EPM2A: variants seen among roughly 807,000 people sequenced by gnomAD.
EPM2A encodes the protein laforin.
Under a neutral mutation model 26.5 loss-of-function variants are expected in EPM2A, and 21 were observed. The observed-to-expected ratio is 0.79, with a 90% CI of 0.56 to 1.14. The LOEUF (loss-of-function observed/expected upper bound fraction) is 1.14. Among genes scored for constraint, EPM2A ranks in the 50% most tolerant of loss-of-function variants. The pLI, the probability that EPM2A is intolerant of heterozygous loss-of-function variation, is 0.00. For synonymous variants in EPM2A, 217 were observed against 177.6 expected, an observed-to-expected ratio of 1.22 and a Z score of -1.76; for missense variants, 458 against 440.8, an observed-to-expected ratio of 1.04 and a Z score of -0.35.
chr6:145,635,308 T>A lies in EPM2A; in HGVS notation c.655A>T (p.Lys219Ter). The A allele has an allele frequency of 1.9e-6, 3 of 1,614,118 alleles. No individual in the cohort carries two copies. In the South Asian group the frequency reaches 3.3e-5, roughly 18 times the overall value. The change falls in exon 3 of 4, where the codon AAA (lysine) becomes TAA (stop). Residue 219 changes from lysine (K) to a stop codon, truncating the protein, a stop_gained. Coordinates refer to ENST00000367519, the MANE Select transcript of EPM2A (RefSeq NM_005670.4). LOFTEE classifies it high-confidence loss of function. ...GCCAAGCCTTCTTCCCTATATAGTT[T>A]AATCATAGTGTCTGGAGTCATGGGC... ...PEPMTPDTMI[K>*]LYREEGLAYI...
At chr6:145,396,386 C>G (rs1262540435) in intron 4 of EPM2A, among the ~76,000 whole-genome samples, 1 of 152,130 alleles carries the variant, frequency 6.6e-6, no homozygotes, top group East Asian at 1.9e-4. Flanking sequence ...TTAGATAAAA[C>G]AAAATTGTTC....
chr6:145,459,363 C>T (rs968955808), intron 4 of EPM2A, among the ~76,000 whole-genome samples: 2 of 152,114 alleles, frequency 1.3e-5, no homozygotes, highest in Non-Finnish European at 2.9e-5. Flanking sequence ...AGAATGGATG[C>T]CACTAACCAG....
intron 4 of EPM2A, among the ~76,000 whole-genome samples, chr6:145,440,876 T>C (rs1330176976): frequency 6.6e-6 from 1 of 152,202 alleles, no homozygotes; most frequent in Non-Finnish European, 1.5e-5. Context: ...GGGCTGGCAT[T>C]GAATGTATGC....
At chr6:145,479,829 CCAA>C in intron 4 of EPM2A, among the ~76,000 whole-genome samples, 1 of 152,116 alleles carries the variant, frequency 6.6e-6, no homozygotes, top group African/African-American at 2.4e-5. Context: ...TGAAGGACCA[CCAA>C]CTATTTTCCA....
intron 2 of EPM2A, among the ~76,000 whole-genome samples, chr6:145,650,611 G>C (rs1777821636): frequency 6.6e-6 from 1 of 151,864 alleles, no homozygotes; most frequent in Admixed American, 6.6e-5. Flanking sequence ...TACAATCCTA[G>C]GAAATTGTTT....
In EPM2A at chr6:145,402,759, T is replaced by G. The variant is rs1457451950; in HGVS notation, c.556-18662A>C. On this transcript the variant is annotated intron_variant, in intron 4 of 4. Coordinates refer to the EPM2A transcript ENST00000638717. Reference sequence around the variant, plus strand: ...CCTGGGTGAATTCTTTGTATTATTCTTGAAACTCCTCTGTAAGTTTGAACT... The same window carrying G: ...CCTGGGTGAATTCTTTGTATTATTCGTGAAACTCCTCTGTAAGTTTGAACT... 2.0e-5 allele frequency among the ~76,000 whole-genome samples: 3 copies of G among 152,178 alleles called. No homozygotes were observed. In the East Asian group the frequency reaches 5.8e-4, roughly 29 times the overall value.
At chr6:145,540,124 G>A (rs1780486465) in intron 2 of EPM2A, among the ~76,000 whole-genome samples, 1 of 152,128 alleles carries the variant, frequency 6.6e-6, no homozygotes, top group Non-Finnish European at 1.5e-5. Context: ...CTTCTCCTGT[G>A]GCCCCCATGG....
intron 2 of EPM2A, among the ~76,000 whole-genome samples, chr6:145,595,383 G>C (rs1042223588): frequency 1.3e-5 from 2 of 151,030 alleles, no homozygotes; most frequent in Non-Finnish European, 3.0e-5. Flanking sequence ...TATAGGAATA[G>C]ATATTTCTAC....
chr6:145,545,584 T>C (rs1174326607), intron 2 of EPM2A, among the ~76,000 whole-genome samples: 2 of 152,180 alleles, frequency 1.3e-5, no homozygotes, highest in Non-Finnish European at 2.9e-5. Context: ...TTATTCTTTC[T>C]TCCCCAAGTC....
intron 3 of EPM2A, chr6:145,628,424 A>C (rs952369620): frequency 1.3e-5 from 2 of 152,218 alleles, no homozygotes; most frequent in Non-Finnish European, 2.9e-5. Flanking sequence ...GGCCTGGTAG[A>C]CTCTGCTCCG....
intron 2 of EPM2A, among the ~76,000 whole-genome samples, chr6:145,578,198 A>T (rs1781061534): frequency 6.6e-6 from 1 of 152,116 alleles, no homozygotes; most frequent in African/African-American, 2.4e-5. Flanking sequence ...AATAAAGGTC[A>T]GTGCAGAAAT....
At chr6:145,390,329 A>T (rs1169059140) in intron 4 of EPM2A, among the ~76,000 whole-genome samples, 1 of 117,766 alleles carries the variant, frequency 8.5e-6, no homozygotes, top group African/African-American at 3.2e-5. Flanking sequence ...ATTTAAATTA[A>T]AAAAAAAAAA....
intron 3 of EPM2A, among the ~76,000 whole-genome samples, chr6:145,633,331 C>G (rs1037351645): frequency 4.6e-5 from 7 of 152,226 alleles, no homozygotes; most frequent in African/African-American, 1.7e-4. Flanking sequence ...ACTATCTTCT[C>G]TGTTTTGAAA....
intron 2 of EPM2A, among the ~76,000 whole-genome samples, chr6:145,672,645 G>A (rs1341667996): frequency 6.6e-6 from 1 of 152,242 alleles, no homozygotes; most frequent in Non-Finnish European, 1.5e-5. Flanking sequence ...AAAAGACGAG[G>A]TTTATTCTCT....
intron 2 of EPM2A, among the ~76,000 whole-genome samples, chr6:145,577,982 T>A (rs779247476): frequency 3.3e-5 from 5 of 151,864 alleles, no homozygotes; most frequent in Non-Finnish European, 7.4e-5. Flanking sequence ...AAGAAGAAAA[T>A]TTAAAAATTT....
rs143870702 is a variant in EPM2A at position 145,573,089 on chromosome 6, T to G, written c.340+62156A>C. Among the ~76,000 whole-genome samples, 383 of 152,368 alleles carry G rather than the reference T, an allele frequency of 2.5e-3. 2 individuals are homozygous for G. The highest frequency in any genetic ancestry group is 8.2e-3 in the African/African-American group (343 of 41,588). On this transcript the variant is annotated intron_variant, in intron 2 of 3. Coordinates refer to the EPM2A transcript ENST00000450221. ...CAGTTAGATTTCACATCCTCTGGCA[T>G]GCAAATGTCTCACCAGTAAGTCCAG... is the stretch of plus-strand genomic sequence containing the variant.
intron 2 of EPM2A, among the ~76,000 whole-genome samples, chr6:145,554,916 T>C (rs901313168): frequency 6.6e-6 from 1 of 152,104 alleles, no homozygotes; most frequent in African/African-American, 2.4e-5. Context: ...CAAGGCAGAA[T>C]TTCTTCTTCA....
chr6:145,485,360 C>T (rs1312559756), intron 4 of EPM2A, among the ~76,000 whole-genome samples: 1 of 151,986 alleles, frequency 6.6e-6, no homozygotes, highest in Non-Finnish European at 1.5e-5. Context: ...GATTCGGGCT[C>T]CATGAGATCA....
chr6:145,445,054 T>C (rs1248098186), intron 4 of EPM2A, among the ~76,000 whole-genome samples: 3 of 152,172 alleles, frequency 2.0e-5, no homozygotes. Context: ...TAAGGTGCTG[T>C]GTGTGTATAT....
Sources: gnomAD v4.1 joint callset for allele counts (sites outside exome capture counted in the v4.1 genomes callset) on GRCh38, gnomAD v4.1.1 for gene constraint, MANE v1.5 for transcripts, NCBI Gene and HGNC (gene_info 2026-07-23, HGNC 2026-07-21) for gene names.